Variants in CCNL2 observed in about 807,000 individuals in gnomAD.
The protein encoded by CCNL2 is cyclin-L2.
Under a neutral mutation model 59.1 loss-of-function variants are expected in CCNL2, and 28 were observed. The ratio of observed to expected loss-of-function variants is 0.47; its 90% confidence interval spans 0.35 to 0.65. The LOEUF (loss-of-function observed/expected upper bound fraction) is 0.65, where lower values mean the gene tolerates loss of function less well. CCNL2 is among the 30% of genes least tolerant of loss of function. The probability of loss-of-function intolerance (pLI) is 0.00; values close to 1 mark genes in which losing one functional copy is unlikely to be tolerated. For missense variants in CCNL2, 714 were observed against 717.4 expected (o/e 1.00, Z 0.05); for synonymous variants, 342 against 288.6 (o/e 1.19, Z -1.88).
intron 5 of CCNL2, chr1:1,391,888 C>T (rs1422146916): frequency 7.9e-6 from 2 of 254,592 alleles, no homozygotes; most frequent in South Asian, 3.8e-5. Context: ...TTTACTGCTC[C>T]TCACATACCC....
At chr1:1,398,530 G>A (rs193053219) in intron 2 of CCNL2, 67 bp downstream of exon 2, 12 of 1,585,284 alleles carry the variant, frequency 7.6e-6, no homozygotes, top group East Asian at 2.2e-5. Flanking sequence ...TAGTAACCGG[G>A]CAAAGTAACA....
At position 1,395,444 on chromosome 1, in the gene CCNL2, G is replaced by A. The variant is rs1644965527; in HGVS notation, c.544C>T (p.Arg182Ter). ...CAGAAACCCAACTCTTTGAGAACTC[G>A]TCTTTCCGCCTTTATAATTTGGTTC... ...LKNQIIKAER[R>*]VLKELGFCVH... Residue 182 changes from arginine to a stop codon, truncating the protein, a stop_gained, in exon 4 of 11, where the codon CGA (arginine) becomes TGA (stop). Transcript: ENST00000400809. LOFTEE classifies it high-confidence loss of function. 5 of 1,614,128 alleles carry A rather than the reference G, an allele frequency of 3.1e-6. No homozygotes were observed. The highest frequency in any genetic ancestry group is 4.2e-6 in the Non-Finnish European group (5 of 1,180,020).
Position 1,387,879 on chromosome 1 carries a change from G to A in CCNL2, c.1119-10C>T, listed in dbSNP as rs375591952. 6.2e-7 allele frequency: 1 copy of A among 1,613,736 alleles called. No individual in the cohort carries two copies. Among genetic ancestry groups the A allele is most frequent in the Non-Finnish European group, 8.5e-7 (1 of 1,179,994 alleles). ...TCGCCCCTTTGGCAAGCTGTGAACAGGACAGGAGCCAGTTACAAAGCAGAA... is the reference window on the plus strand; with the variant it reads ...TCGCCCCTTTGGCAAGCTGTGAACAAGACAGGAGCCAGTTACAAAGCAGAA... On this transcript the variant is annotated splice_polypyrimidine_tract_variant and intron_variant, in intron 9 of 10. Coordinates refer to ENST00000400809, the MANE Select transcript of CCNL2 (RefSeq NM_030937.6).
chr1:1,398,134 C>T (rs185517496), intron 3 of CCNL2, 99 bp downstream of exon 3: 10 of 1,150,334 alleles, frequency 8.7e-6, no homozygotes, highest in Admixed American at 4.0e-5. Context: ...AGGTTTAGAG[C>T]CTCAGGCCTG....
rs1430842504 is a variant in CCNL2, at chr1:1,393,289, G to A, written c.659+107C>T. The A allele has an allele frequency of 8.9e-6, 8 of 896,514 alleles. No individual in the cohort carries two copies. The East Asian group carries it at 1.9e-4, about 22-fold the overall frequency. 55.5% of individuals were successfully genotyped at this position (896,514 alleles called of 1,614,324 possible). A position where few individuals can be genotyped will look rare whatever the true frequency, so the allele number is the denominator to read the frequency against. ...AGCACTGGGCACTCGGACAACTCCA[G>A]CCCACAACCAAGTCACTGGGCTGCC... On this transcript the variant is annotated intron_variant, in intron 5 of 10. Transcript: ENST00000400809.
In CCNL2 at chr1:1,387,216, C is replaced by T; in HGVS notation, c.*15G>A. 1 of 1,586,844 alleles carries T rather than the reference C, an allele frequency of 6.3e-7. No individual in the cohort carries two copies. The highest frequency in any genetic ancestry group is 8.6e-7 in the Non-Finnish European group (1 of 1,168,298). On this transcript the variant is annotated 3_prime_UTR_variant, in exon 11 of 11. Transcript: ENST00000400809. ...CAGGGAAGGGCTTGCGGCCACCAGTCACTGCAACCCCGCCTCACCTCCGAT... is the reference window on the plus strand; with the variant it reads ...CAGGGAAGGGCTTGCGGCCACCAGTTACTGCAACCCCGCCTCACCTCCGAT...
intron 10 of CCNL2, 63 bp from the exon 11 acceptor site, chr1:1,387,645 C>A: frequency 2.1e-6 from 3 of 1,410,274 alleles, no homozygotes; most frequent in Non-Finnish European, 2.9e-6. Flanking sequence ...CCCACACACC[C>A]ACAGGAGCTC....
intron 4 of CCNL2, 178 bp downstream of exon 4, chr1:1,395,216 G>A: frequency 1.8e-6 from 1 of 561,236 alleles, no homozygotes; most frequent in Non-Finnish European, 3.0e-6. Context: ...ATAAACAGCT[G>A]ACACTAGAAG....
chr1:1,396,959 G>A (rs893945837), intron 3 of CCNL2, among the ~76,000 whole-genome samples: 2 of 151,820 alleles, frequency 1.3e-5, no homozygotes, highest in Non-Finnish European at 2.9e-5. Flanking sequence ...GTGTTAGCCA[G>A]GATGGTCTCG....
rs1372158393 is a variant in CCNL2, at chr1:1,387,814, A to C, written c.1174T>G (p.Ser392Ala). Residue 392 changes from serine (S) to alanine (A), a missense_variant, in exon 10 of 11, where the codon TCG becomes GCG. Ser to Ala is a moderately conservative substitution (Grantham distance 99, BLOSUM62 1). Coordinates refer to ENST00000400809, the MANE Select transcript of CCNL2 (RefSeq NM_030937.6). ...GACGCTGATCGGGATGGGGACCTCG[A>C]GTAGCTCTGCTCACGGCTCCGGCTC... ...SRSRSREQSY[S>A]RSPSRSASPK... 1 of 1,612,892 alleles carries C rather than the reference A, an allele frequency of 6.2e-7. No individual in the cohort carries two copies. Among genetic ancestry groups the C allele is most frequent in the African/African-American group, 1.3e-5 (1 of 74,800 alleles).
At chr1:1,396,073 G>C (rs1025974781) in intron 3 of CCNL2, among the ~76,000 whole-genome samples, 12 of 151,562 alleles carry the variant, frequency 7.9e-5, no homozygotes, top group African/African-American at 2.7e-4. Context: ...CAGCTACTCA[G>C]GAGGCTGAGG....
In CCNL2 at chr1:1,390,801, A is replaced by T. The variant is rs1422908086; in HGVS notation, c.724T>A (p.Cys242Ser). 1 of 1,614,200 alleles carries T rather than the reference A, an allele frequency of 6.2e-7. No individual in the cohort carries two copies. Among genetic ancestry groups the T allele is most frequent in the South Asian group, 1.1e-5 (1 of 91,084 alleles). Residue 242 changes from cysteine to serine, a missense_variant, in exon 6 of 11, where the codon TGT becomes AGT. By Grantham distance (112) the Cys-to-Ser change is moderately radical (BLOSUM62 -1). Around this residue, in one of 5 missense-constraint regions of CCNL2, gnomAD observed 19 missense variants for 40.8 expected, o/e 0.47. Coordinates refer to ENST00000400809, the MANE Select transcript of CCNL2 (RefSeq NM_030937.6). ...FVRFQPESIA[C>S]ACIYLAARTL... ...CGGGCAGCAAGATAAATGCAGGCACAGGCGATGCTCTCTGGCTGGAACCGC... is the reference window on the plus strand; with the variant it reads ...CGGGCAGCAAGATAAATGCAGGCACTGGCGATGCTCTCTGGCTGGAACCGC...
intron 3 of CCNL2, among the ~76,000 whole-genome samples, chr1:1,397,205 T>C (rs1291186874): frequency 6.6e-6 from 1 of 152,226 alleles, no homozygotes; most frequent in Non-Finnish European, 1.5e-5. Flanking sequence ...TTCAATTAAC[T>C]TCAGGTGCAT....
chr1:1,397,331 G>T (rs1645094509), intron 3 of CCNL2, among the ~76,000 whole-genome samples: 1 of 152,158 alleles, frequency 6.6e-6, no homozygotes, highest in South Asian at 2.1e-4. Context: ...GCCTCACCCT[G>T]TTGTCCAGGC....
intron 5 of CCNL2, chr1:1,392,821 CAGAAA>C (rs1251750745): frequency 2.5e-6 from 4 of 1,611,556 alleles, no homozygotes; most frequent in African/African-American, 1.3e-5. Context: ...TGAAAGAGTA[CAGAAA>C]AGAAAAGTCA....
At chr1:1,389,109 A>C in intron 8 of CCNL2, 1 of 154,824 alleles carries the variant, frequency 6.5e-6, no homozygotes, top group South Asian at 1.5e-4. Flanking sequence ...GCAGTGGCTC[A>C]TGCCTGTAAT....
rs1266968170 is a variant in CCNL2, at chr1:1,387,346, T to C, written c.1448A>G (p.Tyr483Cys). The C allele has an allele frequency of 6.2e-7, 1 of 1,614,178 alleles. No homozygotes were observed. Among genetic ancestry groups the C allele is most frequent in the Non-Finnish European group, 8.5e-7 (1 of 1,180,048 alleles). The change falls in exon 11 of 11, where the codon TAC (tyrosine) becomes TGC (cysteine). Residue 483 changes from tyrosine (Y) to cysteine (C), a missense_variant. This residue lies in a region of CCNL2 where 403 missense variants were observed against 377.7 expected (regional missense o/e 1.07). Coordinates refer to ENST00000400809, the MANE Select transcript of CCNL2 (RefSeq NM_030937.6). ...TCTGTAGTAATGACTTTTCTTCTTG[T>C]ATTTTCCCGGATTATCCGCCCGCTC... is the stretch of plus-strand genomic sequence containing the variant. Reference protein sequence around the residue: ...SRERADNPGKYKKKSHYYRDQ... With the variant: ...SRERADNPGKCKKKSHYYRDQ...
Position 1,387,486 on chromosome 1 carries a change from A to G in CCNL2, c.1308T>C (p.Ala436=). 6.3e-7 allele frequency: 1 copy of G among 1,583,342 alleles called. No individual in the cohort carries two copies. Among genetic ancestry groups the G allele is most frequent in the Non-Finnish European group, 8.6e-7 (1 of 1,163,310 alleles). The part of the protein sequence containing the change: ...DSPPRQAPRS[A]PYKGSEIRGS... ...CCCGAATCTCAGAGCCTTTGTAGGG[A>G]GCGCTGCGGGGGGCCTGTCTCGGTG... Residue 436 remains alanine, a synonymous_variant, in exon 11 of 11, where the codon GCT becomes GCC. Transcript: ENST00000400809.
intron 3 of CCNL2, 147 bp from the exon 4 acceptor site, chr1:1,395,661 T>C (rs1644978232): frequency 1.8e-6 from 2 of 1,129,316 alleles, no homozygotes; most frequent in Admixed American, 4.2e-5. Flanking sequence ...TGAACAAAAC[T>C]GCACACCGCT....
Sources: allele counts gnomAD v4.1 joint callset (sites outside exome capture counted in the v4.1 genomes callset), GRCh38; gene constraint gnomAD v4.1.1; regional missense constraint gnomAD v4.1.1; transcripts MANE v1.5; gene names NCBI Gene and HGNC (gene_info 2026-07-23, HGNC 2026-07-21).